Variants in PDE10A observed in about 807,000 individuals in gnomAD.
The protein encoded by PDE10A is phosphodiesterase 10A.
A neutral mutation model predicts 97.7 loss-of-function variants in PDE10A; 39 were observed. The observed-to-expected ratio is 0.40, with a 90% CI of 0.31 to 0.52. The LOEUF is 0.52. Among genes scored for constraint, PDE10A ranks in the 20% least tolerant of loss-of-function variants. The probability of loss-of-function intolerance (pLI) is 0.56; values close to 1 mark genes in which losing one functional copy is unlikely to be tolerated. For missense variants in PDE10A, 731 were observed against 1,047.8 expected (o/e 0.70, Z 4.17); for synonymous variants, 371 against 376.8 (o/e 0.98, Z 0.18).
chr6:165,488,212 G>T, intron 2 of PDE10A, among the ~76,000 whole-genome samples: 1 of 152,076 alleles, frequency 6.6e-6, no homozygotes, highest in East Asian at 1.9e-4. Flanking sequence ...GAAACAAATA[G>T]ATGAAATAAT....
chr6:165,872,609 G>A (rs1241976184), intron 1 of PDE10A, among the ~76,000 whole-genome samples: 1 of 152,114 alleles, frequency 6.6e-6, no homozygotes, highest in African/African-American at 2.4e-5. Flanking sequence ...GTGGGCAGAA[G>A]GACAGGAAGC....
At chr6:165,637,578 C>T (rs1157438103) in intron 1 of PDE10A, among the ~76,000 whole-genome samples, 1 of 152,146 alleles carries the variant, frequency 6.6e-6, no homozygotes, top group Non-Finnish European at 1.5e-5. Context: ...TCCTGTGTGT[C>T]GGGCAGCATA....
intron 1 of PDE10A, among the ~76,000 whole-genome samples, chr6:165,740,596 G>C (rs1223834792): frequency 2.0e-5 from 3 of 152,150 alleles, no homozygotes; most frequent in African/African-American, 7.2e-5. Flanking sequence ...CCCTCCCAAA[G>C]TGCTGGGATT....
chr6:165,709,800 C>A (rs1791849619), intron 1 of PDE10A, among the ~76,000 whole-genome samples: 1 of 148,964 alleles, frequency 6.7e-6, no homozygotes. Context: ...CTGCTTCCAG[C>A]CTCGCTGTCC....
intron 1 of PDE10A, among the ~76,000 whole-genome samples, chr6:165,831,478 CT>C (rs200237321): frequency 7.5e-5 from 10 of 133,816 alleles, no homozygotes; most frequent in Admixed American, 1.5e-4. Context: ...TTGCAGGAGT[CT>C]TTTTTTTTTT....
chr6:165,600,181 G>C lies in PDE10A; in HGVS notation c.866-56613C>G, dbSNP rs111648228. Among the ~76,000 whole-genome samples the C allele has an allele frequency of 4.7e-3, 713 of 152,244 alleles. 10 individuals carry two copies. The highest frequency in any genetic ancestry group is 0.016 in the African/African-American group (675 of 41,558). Reference sequence around the variant, plus strand: ...TTATAATCACCTTCACTCCTCCTCCGAGGATCCCACAAACCACAGAAAGAC... The same window carrying C: ...TTATAATCACCTTCACTCCTCCTCCCAGGATCCCACAAACCACAGAAAGAC... On this transcript the variant is annotated intron_variant, in intron 1 of 21. Coordinates refer to ENST00000539869, the MANE Select transcript of PDE10A (RefSeq NM_001385079.1).
chr6:165,470,805 C>T (rs903796062), intron 3 of PDE10A, among the ~76,000 whole-genome samples: 1 of 152,024 alleles, frequency 6.6e-6, no homozygotes, highest in Admixed American at 6.5e-5. Context: ...CTGTTTAGAC[C>T]ATCCTCCCCT....
At chr6:165,508,798 T>G (rs1236751105) in intron 2 of PDE10A, among the ~76,000 whole-genome samples, 1 of 152,000 alleles carries the variant, frequency 6.6e-6, no homozygotes, top group Admixed American at 6.6e-5. Context: ...TTACATACCA[T>G]AAAGTTCACC....
At chr6:165,353,068 T>C (rs1424460189) in intron 18 of PDE10A, among the ~76,000 whole-genome samples, 1 of 152,116 alleles carries the variant, frequency 6.6e-6, no homozygotes, top group African/African-American at 2.4e-5. Context: ...TATATAAAGA[T>C]GGCAAATAAG....
intron 2 of PDE10A, among the ~76,000 whole-genome samples, chr6:165,507,535 G>A (rs1489061864): frequency 6.6e-6 from 1 of 152,102 alleles, no homozygotes; most frequent in African/African-American, 2.4e-5. Flanking sequence ...AGTCCAGTAA[G>A]TTTCTTCAAG....
chr6:165,867,920 C>T (rs2500463), intron 1 of PDE10A, among the ~76,000 whole-genome samples: 110,172 of 151,990 alleles, frequency 0.72, 40,382 homozygotes, highest in East Asian at 0.96. Flanking sequence ...TGTTCCTTAA[C>T]GACCATTGGG....
intron 6 of PDE10A, among the ~76,000 whole-genome samples, chr6:165,433,402 T>G (rs1371318548): frequency 6.6e-5 from 10 of 151,442 alleles, no homozygotes; most frequent in Admixed American, 2.0e-4. Flanking sequence ...CATATGACAA[T>G]AAAAAAAGTA....
At chr6:165,979,923 C>T (rs911023396) in intron 1 of PDE10A, among the ~76,000 whole-genome samples, 14 of 152,140 alleles carry the variant, frequency 9.2e-5, no homozygotes, top group Non-Finnish European at 1.6e-4. Context: ...TTTAAAATAA[C>T]ACAATTCATT....
chr6:165,943,360 G>GAA (rs796075995), intron 1 of PDE10A, among the ~76,000 whole-genome samples: 6 of 78,108 alleles, frequency 7.7e-5, no homozygotes, highest in African/African-American at 1.6e-4. Flanking sequence ...AAGAAAGAAA[G>GAA]AGAAAGAAAG....
At chr6:165,432,681 G>T (rs1366422631) in intron 7 of PDE10A, among the ~76,000 whole-genome samples, 2 of 151,966 alleles carry the variant, frequency 1.3e-5, no homozygotes, top group Admixed American at 1.3e-4. Context: ...AGTGTGAAAA[G>T]TCTCCAAAGT....
At chr6:165,693,399 T>G (rs572491402) in intron 1 of PDE10A, among the ~76,000 whole-genome samples, 3 of 151,584 alleles carry the variant, frequency 2.0e-5, no homozygotes, top group African/African-American at 7.3e-5. Flanking sequence ...GGCGTGGTGG[T>G]GGATGCCTGT....
chr6:165,507,544 A>G (rs1781269869), intron 2 of PDE10A, among the ~76,000 whole-genome samples: 1 of 152,108 alleles, frequency 6.6e-6, no homozygotes, highest in Admixed American at 6.6e-5. Context: ...AGTTTCTTCA[A>G]GAAGTTCTAC....
chr6:165,611,453 A>T (rs1787490303), intron 1 of PDE10A, among the ~76,000 whole-genome samples: 1 of 152,190 alleles, frequency 6.6e-6, no homozygotes, highest in Non-Finnish European at 1.5e-5. Context: ...CCCAGACCTC[A>T]ATGAGTGGAT....
intron 1 of PDE10A, among the ~76,000 whole-genome samples, chr6:165,906,064 CCGTCCCTTCCTTCCTCCCTCCCTCCCTT>C (rs1782274103): frequency 1.0e-4 from 2 of 19,720 alleles, no homozygotes; most frequent in Non-Finnish European, 1.1e-4. Flanking sequence ...CTCCCTCCCT[CCGTCCCTTCCTTCCTCCCTCCCTCCCTT>C]CCTTTCTTCC....
Sources: gnomAD v4.1 joint callset for allele counts (sites outside exome capture counted in the v4.1 genomes callset) on GRCh38, gnomAD v4.1.1 for gene constraint, MANE v1.5 for transcripts, NCBI Gene and HGNC (gene_info 2026-07-23, HGNC 2026-07-21) for gene names.